The following TTC7B variants were observed in gnomAD, a reference collection of about 807,000 sequenced individuals.
The protein encoded by TTC7B is tetratricopeptide repeat protein 7B.
A neutral mutation model predicts 106.8 loss-of-function variants in TTC7B; 28 were observed. That is an observed-to-expected ratio of 0.26 (90% CI 0.19 to 0.36). The LOEUF (loss-of-function observed/expected upper bound fraction) is 0.36. Ranked by LOEUF, TTC7B falls within the 10% of genes least tolerant of loss-of-function variation. TTC7B has a pLI of 1.00. For missense variants in TTC7B, 862 were observed against 1,076.4 expected (o/e 0.80, Z 2.79); for synonymous variants, 405 against 430.6 (o/e 0.94, Z 0.74).
chr14:90,757,311 G>A lies in TTC7B; in HGVS notation c.446-12389C>T, dbSNP rs1890335562. Among the ~76,000 whole-genome samples the A allele has an allele frequency of 6.6e-6, 1 of 152,140 alleles. No individual in the cohort carries two copies. On this transcript the variant is annotated intron_variant, in intron 3 of 19. Transcript: ENST00000328459. The surrounding 1 kb of genome is among the most constrained non-coding windows in gnomAD (Gnocchi z 4.1). The stretch of plus-strand genomic sequence containing the variant: ...AATGAAAAGCAGTCCTGGCGCGGTG[G>A]CTCACATCTGTATTCCCAGCACTTT...
At chr14:90,729,560 C>T (rs1889244562) in intron 5 of TTC7B, among the ~76,000 whole-genome samples, 2 of 152,226 alleles carry the variant, frequency 1.3e-5, no homozygotes, top group African/African-American at 4.8e-5. Flanking sequence ...ACATCAAATG[C>T]ACTCGAGAGC....
intron 9 of TTC7B, among the ~76,000 whole-genome samples, chr14:90,673,342 T>C (rs1213963358): frequency 1.3e-5 from 2 of 152,212 alleles, no homozygotes; most frequent in Non-Finnish European, 2.9e-5. Context: ...TGTTTGATTC[T>C]CCAAGGAGCA....
chr14:90,810,062 C>T (rs559269429), intron 1 of TTC7B, among the ~76,000 whole-genome samples: 18 of 152,332 alleles, frequency 1.2e-4, no homozygotes, highest in Non-Finnish European at 2.2e-4. Flanking sequence ...ATCCAGGACT[C>T]TCTAAAAACC....
chr14:90,755,474 C>T (rs1342131502), intron 3 of TTC7B, among the ~76,000 whole-genome samples: 1 of 152,054 alleles, frequency 6.6e-6, no homozygotes, highest in African/African-American at 2.4e-5. Context: ...ATAGTGAGAC[C>T]TCATCTTTAA....
At chr14:90,574,881 C>T (rs1411519953) in intron 19 of TTC7B, among the ~76,000 whole-genome samples, 2 of 152,224 alleles carry the variant, frequency 1.3e-5, no homozygotes, top group Non-Finnish European at 1.5e-5. Context: ...CCATGATCCA[C>T]GACCTGTCTC....
intron 5 of TTC7B, among the ~76,000 whole-genome samples, chr14:90,728,239 G>A (rs185989743): frequency 1.2e-3 from 185 of 150,014 alleles, no homozygotes; most frequent in Admixed American, 1.7e-3. Flanking sequence ...GGCTCATGCC[G>A]GTAATCCTAA....
At chr14:90,556,063 G>A (rs1229637951) in intron 19 of TTC7B, among the ~76,000 whole-genome samples, 3 of 152,248 alleles carry the variant, frequency 2.0e-5, no homozygotes, top group Non-Finnish European at 2.9e-5. Flanking sequence ...CCGGCGCGCC[G>A]CGTGGTGCAC....
chr14:90,794,149 C>T (rs1334140206), intron 1 of TTC7B, among the ~76,000 whole-genome samples: 1 of 151,704 alleles, frequency 6.6e-6, no homozygotes, highest in East Asian at 1.9e-4. Context: ...GTGATCCACC[C>T]ACCTTGGCCT....
chr14:90,560,100 C>A (rs1030788624), intron 19 of TTC7B, among the ~76,000 whole-genome samples: 2 of 152,240 alleles, frequency 1.3e-5, no homozygotes, highest in Admixed American at 1.3e-4. Context: ...TGCCAATGTC[C>A]GGTGCTCTCC....
At chr14:90,713,677 A>T (rs1219932821) in intron 5 of TTC7B, among the ~76,000 whole-genome samples, 1 of 152,108 alleles carries the variant, frequency 6.6e-6, no homozygotes, top group East Asian at 1.9e-4. Flanking sequence ...CATCAATCCC[A>T]CTCCTATGAA....
chr14:90,709,598 A>T (rs1182937967), intron 5 of TTC7B, among the ~76,000 whole-genome samples: 5 of 151,340 alleles, frequency 3.3e-5, no homozygotes, highest in Admixed American at 2.0e-4. Context: ...ATGACGAGTT[A>T]ATGGGTGCAG....
At chr14:90,665,220 C>G (rs1886363647) in intron 9 of TTC7B, among the ~76,000 whole-genome samples, 1 of 152,196 alleles carries the variant, frequency 6.6e-6, no homozygotes, top group Non-Finnish European at 1.5e-5. Flanking sequence ...AAGATAGGTC[C>G]ATTCGCTGTA....
intron 17 of TTC7B, among the ~76,000 whole-genome samples, chr14:90,602,845 G>C (rs950612807): frequency 6.6e-6 from 1 of 152,042 alleles, no homozygotes; most frequent in Non-Finnish European, 1.5e-5. Context: ...CAACAATAAT[G>C]GTTGGATTAA....
chr14:90,634,922 T>C (rs1884866793), intron 15 of TTC7B, among the ~76,000 whole-genome samples: 1 of 152,186 alleles, frequency 6.6e-6, no homozygotes, highest in Non-Finnish European at 1.5e-5. Context: ...AGATGTGTCA[T>C]AGCAAAAGTG....
At chr14:90,609,566 T>C (rs1408232940) in intron 17 of TTC7B, among the ~76,000 whole-genome samples, 1 of 152,072 alleles carries the variant, frequency 6.6e-6, no homozygotes, top group Non-Finnish European at 1.5e-5. Flanking sequence ...CAGGCTTTCT[T>C]TGGAAAGGTT....
At chr14:90,563,043 C>G (rs1309627346) in intron 19 of TTC7B, among the ~76,000 whole-genome samples, 1 of 152,184 alleles carries the variant, frequency 6.6e-6, no homozygotes, top group Non-Finnish European at 1.5e-5. Flanking sequence ...TAACATCTCT[C>G]CCTATAGCCT....
At chr14:90,723,313 C>G (rs1248231299) in intron 5 of TTC7B, among the ~76,000 whole-genome samples, 2 of 152,200 alleles carry the variant, frequency 1.3e-5, no homozygotes, top group Non-Finnish European at 2.9e-5. Flanking sequence ...TCTCTATACC[C>G]TTTGTTATCT....
chr14:90,689,854 TG>T, intron 6 of TTC7B, 142 bp from the exon 7 acceptor site: 3 of 847,536 alleles, frequency 3.5e-6, no homozygotes, highest in Non-Finnish European at 5.2e-6. Context: ...TCCTTTACGA[TG>T]GTAATCATAC....
rs187781185 is a variant in TTC7B at position 90,592,912 on chromosome 14, A to G, written c.2107+574T>C. ...TCAGAGAGGGGCAGAGGAGCATAGGATCATAGGGCACCAAACACACAGCCC... is the reference window on the plus strand; with the variant it reads ...TCAGAGAGGGGCAGAGGAGCATAGGGTCATAGGGCACCAAACACACAGCCC... On this transcript the variant is annotated intron_variant, in intron 18 of 19. Coordinates refer to ENST00000328459, the MANE Select transcript of TTC7B (RefSeq NM_001010854.2). 4.0e-3 allele frequency among the ~76,000 whole-genome samples: 604 copies of G among 152,150 alleles called. 6 individuals carry two copies. Among genetic ancestry groups the G allele is most frequent in the African/African-American group, 0.014 (586 of 41,496 alleles).
Sources: allele counts gnomAD v4.1 joint callset (sites outside exome capture counted in the v4.1 genomes callset), GRCh38; gene constraint gnomAD v4.1.1; non-coding constraint Gnocchi (gnomAD v3.1); transcripts MANE v1.5; gene names NCBI Gene and HGNC (gene_info 2026-07-23, HGNC 2026-07-21).